MEGF6: variants seen among roughly 807,000 people sequenced by gnomAD.
The protein encoded by MEGF6 is multiple epidermal growth factor-like domains protein 6.
Under a neutral mutation model 207.1 loss-of-function variants are expected in MEGF6, and 184 were observed. That is an observed-to-expected ratio of 0.89 (90% CI 0.79 to 1.00). MEGF6 has a LOEUF of 1.00. MEGF6 is among the 50% of genes least tolerant of loss of function. The pLI, the probability that MEGF6 is intolerant of heterozygous loss-of-function variation, is 0.00. For missense variants in MEGF6, 2,282 were observed against 2,202.9 expected (o/e 1.04, Z -0.72); for synonymous variants, 1,038 against 910.0 (o/e 1.14, Z -2.53).
At chr1:3,498,574 G>A (rs1640713993) in intron 25 of MEGF6, 75 bp from the exon 26 acceptor site, 2 of 1,490,872 alleles carry the variant, frequency 1.3e-6, no homozygotes, top group Admixed American at 4.3e-5. Context: ...CATGCTTCCT[G>A]CACGCAGAGC....
intron 4 of MEGF6, among the ~76,000 whole-genome samples, chr1:3,557,204 G>A (rs893923927): frequency 5.3e-5 from 8 of 152,240 alleles, no homozygotes; most frequent in Non-Finnish European, 8.8e-5. Flanking sequence ...AGACCTTGGC[G>A]TAAGCCCAGG....
At chr1:3,601,650 G>A (rs1026749201) in intron 2 of MEGF6, among the ~76,000 whole-genome samples, 1 of 152,150 alleles carries the variant, frequency 6.6e-6, no homozygotes, top group African/African-American at 2.4e-5. Flanking sequence ...ACTGTCCCGG[G>A]GTAGGAAGAC....
intron 2 of MEGF6, 152 bp from the exon 3 acceptor site, chr1:3,595,599 C>CA (rs1296565032): frequency 7.8e-6 from 5 of 638,964 alleles, no homozygotes; most frequent in Admixed American, 2.6e-5. Context: ...TGGCTGATGC[C>CA]AATGCCCAGC....
In MEGF6 at chr1:3,494,392, A is replaced by G. The variant is rs1395998769; in HGVS notation, c.4108T>C (p.Tyr1370His). 1 of 1,549,374 alleles carries G rather than the reference A, an allele frequency of 6.5e-7. No individual in the cohort carries two copies. Among genetic ancestry groups the G allele is most frequent in the Admixed American group, 1.9e-5 (1 of 51,704 alleles). ...TCACGGTGCTCGCAGGCCTGGCCAT[A>G]GAAGCCGGGGCCGCAGCGGCAGGTG... Reference protein sequence around the residue: ...TGTCRCGPGFYGQACEHPCPP... With the variant: ...TGTCRCGPGFHGQACEHPCPP... The change falls in exon 32 of 37, where the codon TAT (tyrosine) becomes CAT (histidine). Residue 1370 changes from tyrosine (Y) to histidine (H), a missense_variant. Tyr to His is a moderately conservative substitution (Grantham distance 83). Transcript: ENST00000356575.
intron 2 of MEGF6, among the ~76,000 whole-genome samples, chr1:3,598,192 A>G (rs1477852480): frequency 6.6e-6 from 1 of 152,128 alleles, no homozygotes; most frequent in East Asian, 1.9e-4. Flanking sequence ...GGGAGTGGCC[A>G]AGGCAGCCGG....
rs377113601 is a variant in MEGF6 at position 3,500,842 on chromosome 1, C to G, written c.2576-78G>C. 5.3e-5 allele frequency: 84 copies of G among 1,591,668 alleles called. No homozygotes were observed. The African/African-American group carries it at 9.1e-4, about 17-fold the overall frequency. ...ACCACAGCCGAGTCAGGCACAGGGG[C>G]GTCTCAGGACTGGGGCAAGGCCTCC... On this transcript the variant is annotated intron_variant, in intron 20 of 36. Transcript: ENST00000356575.
intron 7 of MEGF6, among the ~76,000 whole-genome samples, chr1:3,513,471 T>G (rs1429624606): frequency 6.6e-6 from 1 of 151,714 alleles, no homozygotes; most frequent in African/African-American, 2.4e-5. Flanking sequence ...ACATACAGGA[T>G]CTCGCTATGT....
intron 4 of MEGF6, among the ~76,000 whole-genome samples, chr1:3,542,637 C>T (rs1010961290): frequency 1.1e-4 from 16 of 151,974 alleles, no homozygotes; most frequent in Non-Finnish European, 2.9e-5. Context: ...CAGCCCGGGC[C>T]GTGGGCCCCG....
intron 4 of MEGF6, among the ~76,000 whole-genome samples, chr1:3,541,204 T>TG (rs529180894): frequency 2.6e-5 from 4 of 152,154 alleles, no homozygotes; most frequent in East Asian, 1.9e-4. Context: ...CACTGCCCCG[T>TG]GGGGGGCCTC....
Position 3,609,747 on chromosome 1 carries a change from C to G in MEGF6, c.131+1391G>C, listed in dbSNP as rs1352038674. Among the ~76,000 whole-genome samples, 3 of 152,242 alleles carry G rather than the reference C, an allele frequency of 2.0e-5. No individual in the cohort carries two copies. In the East Asian group the frequency reaches 5.8e-4, roughly 29 times the overall value. ...AGGTGCAGAGGCAGGACACAGGAAG[C>G]AGACCCTCCACTCCTCCCCTGGAGA... On this transcript the variant is annotated intron_variant, in intron 1 of 36. Coordinates refer to ENST00000356575, the MANE Select transcript of MEGF6 (RefSeq NM_001409.4).
intron 3 of MEGF6, among the ~76,000 whole-genome samples, chr1:3,582,272 C>T (rs531553920): frequency 2.0e-5 from 3 of 152,322 alleles, no homozygotes; most frequent in African/African-American, 4.8e-5. Flanking sequence ...GTTCCCCGGA[C>T]CCTGGGGCAG....
intron 1 of MEGF6, among the ~76,000 whole-genome samples, chr1:3,605,784 T>C (rs921051250): frequency 6.6e-6 from 1 of 152,144 alleles, no homozygotes; most frequent in Admixed American, 6.5e-5. Flanking sequence ...GCCAGGTGGG[T>C]TTAGTCAATG....
intron 4 of MEGF6, among the ~76,000 whole-genome samples, chr1:3,563,860 G>C (rs1360891450): frequency 1.3e-5 from 2 of 152,174 alleles, no homozygotes; most frequent in Non-Finnish European, 2.9e-5. Flanking sequence ...TCTGGGGAGG[G>C]AAGTCAGACC....
chr1:3,518,898 C>T (rs1641640499), intron 5 of MEGF6, among the ~76,000 whole-genome samples: 1 of 152,288 alleles, frequency 6.6e-6, no homozygotes, highest in East Asian at 1.9e-4. Context: ...GTACACCTGC[C>T]CCCATCCCCT....
chr1:3,611,104 G>T lies in MEGF6; in HGVS notation c.131+34C>A, dbSNP rs1017101312. On this transcript the variant is annotated intron_variant, in intron 1 of 36. Transcript: ENST00000356575. ...TCCAGAGGCCCCGGGGTCCCTGGAC[G>T]ACCGGCCGAGCCCTCCCAGCTCCTG... 4 of 1,452,438 alleles carry T rather than the reference G, an allele frequency of 2.8e-6. No individual in the cohort carries two copies. In the South Asian group the frequency reaches 4.1e-5, roughly 15 times the overall value. 90.0% of individuals were successfully genotyped at this position (1,452,438 alleles called of 1,614,324 possible). A position where few individuals can be genotyped will look rare whatever the true frequency, so the allele number is the denominator to read the frequency against.
chr1:3,509,053 C>CG, intron 12 of MEGF6, 22 bp downstream of exon 12: 1 of 1,523,378 alleles, frequency 6.6e-7, no homozygotes, highest in Non-Finnish European at 8.8e-7. Context: ...CAGGAGCCCC[C>CG]GGGGGCTGGG....
At chr1:3,612,783 G>C (rs910545145), upstream of MEGF6, among the ~76,000 whole-genome samples, 1 of 152,160 alleles carries the variant, frequency 6.6e-6, no homozygotes, top group Non-Finnish European at 1.5e-5. Context: ...TGACTGTCCC[G>C]ATAGGAGGGA....
chr1:3,557,668 C>A (rs956952224), intron 4 of MEGF6, among the ~76,000 whole-genome samples: 1 of 152,212 alleles, frequency 6.6e-6, no homozygotes, highest in Non-Finnish European at 1.5e-5. Context: ...CCACAGCCAG[C>A]GCTGCGGAGC....
At chr1:3,588,652 G>A (rs1000695968) in intron 3 of MEGF6, among the ~76,000 whole-genome samples, 6 of 151,954 alleles carry the variant, frequency 3.9e-5, no homozygotes, top group African/African-American at 1.2e-4. Flanking sequence ...CCCCAGAGTC[G>A]AGGGCCAGGC....
Sources: allele counts gnomAD v4.1 joint callset (sites outside exome capture counted in the v4.1 genomes callset), GRCh38; gene constraint gnomAD v4.1.1; transcripts MANE v1.5; gene names NCBI Gene and HGNC (gene_info 2026-07-23, HGNC 2026-07-21).